FHIT: variants seen among roughly 807,000 people sequenced by gnomAD.
FHIT encodes the protein bis(5'-adenosyl)-triphosphatase.
FHIT carries 19 observed loss-of-function variants against 17.9 expected under a neutral mutation model. That is an observed-to-expected ratio of 1.06 (90% confidence interval 0.74 to 1.56). The LOEUF is 1.56. Ranked by LOEUF, FHIT falls within the 40% of genes most tolerant of loss-of-function variation. The pLI, the probability that FHIT is intolerant of heterozygous loss-of-function variation, is 0.00. For synonymous variants in FHIT, 81 were observed against 69.7 expected, an observed-to-expected ratio of 1.16 and a Z score of -0.81; for missense variants, 248 against 189.2, an observed-to-expected ratio of 1.31 and a Z score of -1.82.
At chr3:60,140,955 T>C (rs1700016692) in intron 5 of FHIT, among the ~76,000 whole-genome samples, 1 of 152,118 alleles carries the variant, frequency 6.6e-6, no homozygotes, top group Non-Finnish European at 1.5e-5. Context: ...GTAAATTTCT[T>C]TTTCTTTTTC....
At chr3:60,554,795 T>C (rs1458011428) in intron 4 of FHIT, among the ~76,000 whole-genome samples, 1 of 152,250 alleles carries the variant, frequency 6.6e-6, no homozygotes, top group African/African-American at 2.4e-5. Flanking sequence ...ATAATTACTA[T>C]TCTGCATATG....
chr3:60,871,346 T>G (rs1412206591), intron 3 of FHIT, among the ~76,000 whole-genome samples: 1 of 152,112 alleles, frequency 6.6e-6, no homozygotes, highest in Non-Finnish European at 1.5e-5. Context: ...CTCCGAGAAC[T>G]CCTGTCTCCC....
At chr3:60,272,096 C>G (rs180815924) in intron 5 of FHIT, among the ~76,000 whole-genome samples, 2 of 152,168 alleles carry the variant, frequency 1.3e-5, no homozygotes, top group Non-Finnish European at 2.9e-5. Context: ...TACTGCCTCC[C>G]GTATTCTAGT....
At chr3:60,498,164 A>G (rs2034379035) in intron 5 of FHIT, among the ~76,000 whole-genome samples, 1 of 152,226 alleles carries the variant, frequency 6.6e-6, no homozygotes, top group Non-Finnish European at 1.5e-5. Context: ...CAAGATGGAC[A>G]GCAAAAATGC....
chr3:60,424,945 C>T (rs1576632957), intron 5 of FHIT, among the ~76,000 whole-genome samples: 1 of 152,156 alleles, frequency 6.6e-6, no homozygotes, highest in Non-Finnish European at 1.5e-5. Context: ...ATTAATAAAT[C>T]AAAAAGGGAT....
intron 8 of FHIT, among the ~76,000 whole-genome samples, chr3:59,764,696 G>C (rs542800930): frequency 2.6e-5 from 4 of 151,792 alleles, no homozygotes; most frequent in Admixed American, 6.6e-5. Context: ...TACCATGCAT[G>C]ACAGCAGATC....
rs552751073 is a variant in FHIT, at chr3:61,225,037, A to G, written c.-212-24372T>C. Among the ~76,000 whole-genome samples, 8 of 152,334 alleles carry G rather than the reference A, an allele frequency of 5.3e-5. No homozygotes were observed. The South Asian group carries it at 8.3e-4, about 16-fold the overall frequency. On this transcript the variant is annotated intron_variant, in intron 1 of 9. Transcript: ENST00000492590. ...CCTTAAGAGGTAAAGTCAAGGTCACAGGCATGTAAGCGGCAGAGTTTAAGT... is the reference window on the plus strand; with the variant it reads ...CCTTAAGAGGTAAAGTCAAGGTCACGGGCATGTAAGCGGCAGAGTTTAAGT...
intron 5 of FHIT, among the ~76,000 whole-genome samples, chr3:60,189,133 CTGTT>C: frequency 6.6e-6 from 1 of 151,578 alleles, no homozygotes. Flanking sequence ...AGGCTTCTGT[CTGTT>C]AAAAAGTAGA....
chr3:59,795,072 G>C (rs970494186), intron 8 of FHIT, among the ~76,000 whole-genome samples: 2 of 152,138 alleles, frequency 1.3e-5, no homozygotes, highest in African/African-American at 4.8e-5. Flanking sequence ...CATACAGTAA[G>C]TTCTCAGGCA....
chr3:59,961,691 C>T lies in FHIT; in HGVS notation c.280-39277G>A, dbSNP rs571525715. On this transcript the variant is annotated intron_variant, in intron 7 of 9. Coordinates refer to ENST00000492590, the MANE Select transcript of FHIT (RefSeq NM_002012.4). ...GGAGTTCCCTGACCCCTTGTGCTTC[C>T]CAAGTGAGGCGACACCCCACCCTGC... 4.3e-3 allele frequency among the ~76,000 whole-genome samples: 659 copies of T among 152,240 alleles called. 8 individuals carry two copies. The highest frequency in any genetic ancestry group is 0.015 in the African/African-American group (618 of 41,550).
chr3:61,031,078 C>T (rs1347019107), intron 3 of FHIT, among the ~76,000 whole-genome samples: 4 of 152,072 alleles, frequency 2.6e-5, no homozygotes, highest in African/African-American at 9.7e-5. Flanking sequence ...TGCTTCAACC[C>T]GATCTCAAAA....
At chr3:60,759,487 T>TC (rs1364349795) in intron 4 of FHIT, among the ~76,000 whole-genome samples, 1 of 152,186 alleles carries the variant, frequency 6.6e-6, no homozygotes, top group African/African-American at 2.4e-5. Context: ...GATGAGATTT[T>TC]CTAGGAAGTG....
At chr3:60,060,056 G>C (rs1702238464) in intron 5 of FHIT, among the ~76,000 whole-genome samples, 1 of 152,022 alleles carries the variant, frequency 6.6e-6, no homozygotes, top group Non-Finnish European at 1.5e-5. Flanking sequence ...AAAAATGGTA[G>C]TCATCCAATT....
At chr3:60,313,208 A>T (rs115546356) in intron 5 of FHIT, among the ~76,000 whole-genome samples, 1,862 of 152,362 alleles carry the variant, frequency 0.012, 39 homozygotes, top group African/African-American at 0.042. Flanking sequence ...ATATAAATAC[A>T]TATTTAGATA....
intron 5 of FHIT, among the ~76,000 whole-genome samples, chr3:60,358,235 T>C (rs1264049136): frequency 2.0e-5 from 3 of 152,216 alleles, no homozygotes. Context: ...TAGATTAAAA[T>C]ATTCTAAAGA....
At chr3:60,995,218 G>A (rs561315323) in intron 3 of FHIT, among the ~76,000 whole-genome samples, 116 of 152,204 alleles carry the variant, frequency 7.6e-4, no homozygotes, top group African/African-American at 2.7e-3. Context: ...TACTCGGGAG[G>A]CTGAGGCATG....
At chr3:60,181,854 G>C (rs546653545) in intron 5 of FHIT, among the ~76,000 whole-genome samples, 86 of 152,140 alleles carry the variant, frequency 5.7e-4, no homozygotes, top group South Asian at 5.4e-3. Context: ...TTACATGTCT[G>C]ACTCCAAAAG....
Position 60,226,484 on chromosome 3 carries a change from A to AAACAACAAAAAAAAAAAAAAC in FHIT, c.104-212333_104-212332insGTTTTTTTTTTTTTTGTTGTT, listed in dbSNP as rs1412585902. Among the ~76,000 whole-genome samples the AAACAACAAAAAAAAAAAAAAC allele has an allele frequency of 1.9e-3, 291 of 151,042 alleles. 1 individual carries two copies. Among genetic ancestry groups the AAACAACAAAAAAAAAAAAAAC allele is most frequent in the African/African-American group, 6.7e-3 (276 of 40,934 alleles). On this transcript the variant is annotated intron_variant, in intron 5 of 9. Transcript: ENST00000492590. The stretch of plus-strand genomic sequence containing the variant: ...TGAAACTCCGTCTCAAAAAAAAAAA[A>AAACAACAAAAAAAAAAAAAAC]AAAAAAAAAACACTGCCTGCCTGCA...
chr3:59,843,122 T>C (rs1575578051), intron 8 of FHIT, among the ~76,000 whole-genome samples: 1 of 152,306 alleles, frequency 6.6e-6, no homozygotes, highest in Admixed American at 6.5e-5. Flanking sequence ...TTGTATTCTT[T>C]TGCACTTGGA....
Sources: gnomAD v4.1 joint callset for allele counts (sites outside exome capture counted in the v4.1 genomes callset) on GRCh38, gnomAD v4.1.1 for gene constraint, MANE v1.5 for transcripts, NCBI Gene and HGNC (gene_info 2026-07-23, HGNC 2026-07-21) for gene names.